COL27A1: variants seen among roughly 807,000 people sequenced by gnomAD.
COL27A1 encodes the protein collagen type XXVII alpha 1 chain, also known as collagen alpha-1(XXVII) chain.
COL27A1 carries 106 observed loss-of-function variants against 251.3 expected under a neutral mutation model. The ratio of observed to expected loss-of-function variants is 0.42; its 90% CI spans 0.36 to 0.50. COL27A1 has a LOEUF of 0.50. Ranked by LOEUF, COL27A1 falls within the 20% of genes least tolerant of loss-of-function variation. The pLI, the probability that COL27A1 is intolerant of heterozygous loss-of-function variation, is 0.00. For missense variants in COL27A1, 2,325 were observed against 2,522.8 expected, an observed-to-expected ratio of 0.92 and a Z score of 1.68; for synonymous variants, 1,000 against 986.3, an observed-to-expected ratio of 1.01 and a Z score of -0.26.
At chr9:114,211,789 C>T (rs982320280) in intron 12 of COL27A1, among the ~76,000 whole-genome samples, 2 of 152,196 alleles carry the variant, frequency 1.3e-5, no homozygotes, top group Admixed American at 6.5e-5. Context: ...CTAGACTCTT[C>T]GCCTGGAAGG....
rs1254367367 is a variant in COL27A1 at position 114,296,260 on chromosome 9, A to G, written c.4585-3810A>G. On this transcript the variant is annotated intron_variant, in intron 49 of 60. Transcript: ENST00000356083. ...TTCAAAGGACACTATTAAGAGAATG[A>G]AAAGACAAGCCACATACTGGAAGAA... is the stretch of plus-strand genomic sequence containing the variant. Among the ~76,000 whole-genome samples the G allele has an allele frequency of 3.9e-5, 6 of 152,376 alleles. No homozygotes were observed. In the South Asian group the frequency reaches 1.0e-3, roughly 26 times the overall value.
chr9:114,185,089 C>T (rs1161258358), intron 5 of COL27A1, among the ~76,000 whole-genome samples: 11 of 152,200 alleles, frequency 7.2e-5, no homozygotes, highest in Admixed American at 7.2e-4. Context: ...CCCAATCTTG[C>T]TAACAGATGT....
Position 114,290,302 on chromosome 9 carries a change from C to A in COL27A1, c.4339C>A (p.Pro1447Thr), listed in dbSNP as rs376910184. The change falls in exon 47 of 61, where the codon CCT becomes ACT. Residue 1447 changes from proline to threonine, a missense_variant. Coordinates refer to ENST00000356083, the MANE Select transcript of COL27A1 (RefSeq NM_032888.4). The surrounding 1 kb of genome is among the most constrained non-coding windows in gnomAD (Gnocchi z 4.6). ...GGGCATCGCTGGACCAGATGGGCTTCCTGGCAGGGACGGGCAAGCAGGACA... is the reference window on the plus strand; with the variant it reads ...GGGCATCGCTGGACCAGATGGGCTTACTGGCAGGGACGGGCAAGCAGGACA... The part of the protein sequence containing the change: ...LEGIAGPDGL[P>T]GRDGQAGQQG... The A allele has an allele frequency of 7.6e-6, 12 of 1,583,422 alleles. No individual in the cohort carries two copies. Among genetic ancestry groups the A allele is most frequent in the Non-Finnish European group, 1.0e-5 (12 of 1,165,036 alleles).
At chr9:114,194,876 C>T (rs538130426) in intron 6 of COL27A1, among the ~76,000 whole-genome samples, 1 of 152,280 alleles carries the variant, frequency 6.6e-6, no homozygotes, top group Non-Finnish European at 1.5e-5. Flanking sequence ...CTCCAGCAGA[C>T]GGGTCTGTGG....
chr9:114,213,617 C>A (rs2135350090), intron 12 of COL27A1, among the ~76,000 whole-genome samples: 1 of 152,210 alleles, frequency 6.6e-6, no homozygotes, highest in African/African-American at 2.4e-5. Flanking sequence ...GATGAATAAC[C>A]AGAAGAAGGC....
intron 5 of COL27A1, among the ~76,000 whole-genome samples, chr9:114,184,892 G>C (rs746903089): frequency 7.2e-5 from 11 of 152,212 alleles, no homozygotes; most frequent in Non-Finnish European, 1.5e-4. Flanking sequence ...AAGATGCCGA[G>C]CATCAGCAGC....
intron 49 of COL27A1, among the ~76,000 whole-genome samples, chr9:114,294,231 G>A (rs1302014216): frequency 5.6e-5 from 8 of 142,078 alleles, no homozygotes; most frequent in African/African-American, 2.1e-4. Context: ...CTGGGCGACA[G>A]GGAGAGACTC....
chr9:114,213,521 C>A (rs2135349722), intron 12 of COL27A1, among the ~76,000 whole-genome samples: 1 of 152,262 alleles, frequency 6.6e-6, no homozygotes, highest in Non-Finnish European at 1.5e-5. Flanking sequence ...ATGCCAGGCA[C>A]TAAGGATAAC....
chr9:114,220,436 G>T (rs1166061868), intron 13 of COL27A1, among the ~76,000 whole-genome samples: 1 of 152,210 alleles, frequency 6.6e-6, no homozygotes, highest in Non-Finnish European at 1.5e-5. Flanking sequence ...GGGGCTTCCT[G>T]CCTGAGCAGC....
intron 3 of COL27A1, among the ~76,000 whole-genome samples, chr9:114,173,849 C>T (rs1213548554): frequency 6.6e-6 from 1 of 151,990 alleles, no homozygotes; most frequent in African/African-American, 2.4e-5. Context: ...CTCACATTTG[C>T]TTGGAGAACT....
intron 28 of COL27A1, among the ~76,000 whole-genome samples, chr9:114,260,453 AT>A (rs1435114365): frequency 2.0e-5 from 3 of 152,134 alleles, no homozygotes; most frequent in Non-Finnish European, 4.4e-5. Flanking sequence ...AAAGAGCTTG[AT>A]TCTGGGCAAG....
In COL27A1 at chr9:114,301,238, G is replaced by T. The variant is rs373580018; in HGVS notation, c.4756-46G>T. The T allele has an allele frequency of 1.8e-5, 29 of 1,610,636 alleles. No individual in the cohort carries two copies. In the African/African-American group the frequency reaches 3.6e-4, roughly 20 times the overall value. ...CCTCAGTTTCCTCATCTGGAAATGG[G>T]GCTTCACCTCTGGGCCCTGTCTCAC... is the stretch of plus-strand genomic sequence containing the variant. On this transcript the variant is annotated intron_variant, in intron 52 of 60. Coordinates refer to ENST00000356083, the MANE Select transcript of COL27A1 (RefSeq NM_032888.4).
intron 2 of COL27A1, among the ~76,000 whole-genome samples, chr9:114,164,831 A>G (rs1588555703): frequency 6.6e-6 from 1 of 152,262 alleles, no homozygotes; most frequent in East Asian, 1.9e-4. Context: ...GGACAGACAG[A>G]TGGGAGAAAG....
At chr9:114,262,789 C>T (rs574576633) in intron 28 of COL27A1, among the ~76,000 whole-genome samples, 64 of 152,336 alleles carry the variant, frequency 4.2e-4, no homozygotes, top group African/African-American at 1.5e-3. Context: ...CTTGGCCTTG[C>T]CCGGTGGCTC....
At chr9:114,288,805 A>C (rs1564574361) in intron 43 of COL27A1, 50 bp downstream of exon 43, 1 of 1,601,466 alleles carries the variant, frequency 6.2e-7, no homozygotes, top group Admixed American at 1.7e-5. Context: ...TGTCAGGGAG[A>C]GGGGGGATGA....
intron 25 of COL27A1, among the ~76,000 whole-genome samples, chr9:114,251,215 C>T (rs990215510): frequency 7.2e-5 from 11 of 152,148 alleles, no homozygotes; most frequent in Non-Finnish European, 1.5e-4. Flanking sequence ...CACTTGTCTT[C>T]CTTTGTATGG....
chr9:114,268,103 G>T (rs1834871520), intron 34 of COL27A1, among the ~76,000 whole-genome samples: 1 of 152,204 alleles, frequency 6.6e-6, no homozygotes, highest in South Asian at 2.1e-4. Flanking sequence ...CCAGGCCGGG[G>T]GCTGCCAGAC....
At chr9:114,156,079 G>T in intron 1 of COL27A1, 67 bp downstream of exon 1, 1 of 1,291,498 alleles carries the variant, frequency 7.7e-7, no homozygotes, top group Middle Eastern at 2.1e-4. Flanking sequence ...GAGGGCCGGG[G>T]TTCCCCGCCA....
intron 14 of COL27A1, among the ~76,000 whole-genome samples, chr9:114,226,335 C>A (rs776888921): frequency 6.6e-6 from 1 of 152,192 alleles, no homozygotes; most frequent in Non-Finnish European, 1.5e-5. Context: ...CCCTCTTGTG[C>A]CCAACGCTGT....
Sources: allele counts gnomAD v4.1 joint callset (sites outside exome capture counted in the v4.1 genomes callset), GRCh38; gene constraint gnomAD v4.1.1; non-coding constraint Gnocchi (gnomAD v3.1); transcripts MANE v1.5; gene names NCBI Gene and HGNC (gene_info 2026-07-23, HGNC 2026-07-21).